KSR1: variants seen among roughly 807,000 people sequenced by gnomAD.
The protein encoded by KSR1 is kinase suppressor of ras 1.
In KSR1, 35 loss-of-function variants were observed where a neutral mutation model predicts 92.9. The ratio of observed to expected loss-of-function variants is 0.38; its 90% CI spans 0.29 to 0.50. The LOEUF is 0.50. KSR1 is among the 20% of genes least tolerant of loss of function. KSR1 has a pLI of 0.94. For synonymous variants in KSR1, 467 were observed against 472.6 expected (o/e 0.99, Z 0.15); for missense variants, 972 against 1,158.5 (o/e 0.84, Z 2.34).
intron 9 of KSR1, among the ~76,000 whole-genome samples, chr17:27,595,111 C>T (rs953296459): frequency 1.3e-5 from 2 of 152,230 alleles, no homozygotes; most frequent in African/African-American, 4.8e-5. Flanking sequence ...GCCTTCACAG[C>T]CTGCAGCAAA....
chr17:27,485,968 C>T (rs527855139), intron 1 of KSR1, among the ~76,000 whole-genome samples: 99 of 152,312 alleles, frequency 6.5e-4, no homozygotes, highest in Non-Finnish European at 6.8e-4. Context: ...GTTCTCCAAA[C>T]GTTAGTTCTT....
Position 27,568,043 on chromosome 17 carries a change from C to G in KSR1, c.373-9449C>G, listed in dbSNP as rs150836841. Among the ~76,000 whole-genome samples the G allele has an allele frequency of 7.6e-3, 1,160 of 152,366 alleles. 9 individuals are homozygous for G. The highest frequency in any genetic ancestry group is 0.01 in the Non-Finnish European group (703 of 68,038). ...CCCAGCTTCTCCTCGGCCATCTGCT[C>G]AGGGTCTCTGTTGAGGTCCCATAGC... On this transcript the variant is annotated intron_variant, in intron 2 of 20. Coordinates refer to ENST00000644974, the MANE Select transcript of KSR1 (RefSeq NM_001394583.1).
chr17:27,528,300 C>T (rs1028593171), intron 1 of KSR1, among the ~76,000 whole-genome samples: 1 of 152,196 alleles, frequency 6.6e-6, no homozygotes, highest in African/African-American at 2.4e-5. Flanking sequence ...CTCCTGACCT[C>T]AGGTGATCTG....
At position 27,621,230 on chromosome 17, in the gene KSR1, G is replaced by A. The variant is rs1395189153; in HGVS notation, c.2665G>A (p.Gly889Ser). The change falls in exon 20 of 21, where the codon GGC (glycine) becomes AGC (serine). Residue 889 changes from glycine (G) to serine (S), a missense_variant. Physicochemically the swap from Gly to Ser is moderately conservative, Grantham distance 56 (BLOSUM62 0). Coordinates refer to ENST00000644974, the MANE Select transcript of KSR1 (RefSeq NM_001394583.1). ...CCGCTACTATGGAAAAGGACGCTAC[G>A]GCCACCCTGACTTTAAGAGCTCCTG... ...RSRYYGKGRY[G>S]HPDFKSSCPI... The A allele has an allele frequency of 2.0e-5, 8 of 398,480 alleles. No homozygotes were observed. The highest frequency in any genetic ancestry group is 7.1e-5 in the East Asian group (2 of 28,090). The allele number at this position is 398,480 out of a possible 1,614,324, so 24.7% of individuals were successfully genotyped here. A position where few individuals can be genotyped will look rare whatever the true frequency, so the allele number is the denominator to read the frequency against.
chr17:27,545,291 C>G (rs1025014089), intron 1 of KSR1, among the ~76,000 whole-genome samples: 1 of 152,194 alleles, frequency 6.6e-6, no homozygotes, highest in Admixed American at 6.5e-5. Flanking sequence ...CATCACTTGC[C>G]CAGTTGGTGT....
At chr17:27,514,356 A>G (rs987798938) in intron 1 of KSR1, among the ~76,000 whole-genome samples, 1 of 152,206 alleles carries the variant, frequency 6.6e-6, no homozygotes, top group Non-Finnish European at 1.5e-5. Context: ...GCTTGGCTAT[A>G]TATTTCAGAA....
At chr17:27,461,764 G>A (rs1308452058) in intron 1 of KSR1, among the ~76,000 whole-genome samples, 4 of 143,198 alleles carry the variant, frequency 2.8e-5, no homozygotes, top group African/African-American at 1.0e-4. Context: ...CTGCAGCTAT[G>A]GGAATGCCTT....
At chr17:27,537,604 C>T (rs140567342) in intron 1 of KSR1, among the ~76,000 whole-genome samples, 2,354 of 152,228 alleles carry the variant, frequency 0.015, 59 homozygotes, top group African/African-American at 0.053. Context: ...GGTGGGAGAT[C>T]GCTTGAACCC....
At chr17:27,519,734 G>T (rs1445178611) in intron 1 of KSR1, among the ~76,000 whole-genome samples, 1 of 152,222 alleles carries the variant, frequency 6.6e-6, no homozygotes, top group Non-Finnish European at 1.5e-5. Flanking sequence ...CTACTGAGCT[G>T]TATGATTATT....
chr17:27,501,139 CA>C (rs2069161746), intron 1 of KSR1, among the ~76,000 whole-genome samples: 1 of 152,056 alleles, frequency 6.6e-6, no homozygotes, highest in South Asian at 2.1e-4. Context: ...TCCTTTCATA[CA>C]TTGTTTCATT....
chr17:27,539,205 T>C (rs1391688547), intron 1 of KSR1, among the ~76,000 whole-genome samples: 1 of 152,208 alleles, frequency 6.6e-6, no homozygotes, highest in Non-Finnish European at 1.5e-5. Context: ...CTGTTGTGAT[T>C]GAGGGGTTGA....
chr17:27,589,768 C>G (rs1164307191), intron 6 of KSR1, among the ~76,000 whole-genome samples: 1 of 152,162 alleles, frequency 6.6e-6, no homozygotes, highest in Non-Finnish European at 1.5e-5. Context: ...ATCTATCTTT[C>G]GTGTTTTCTT....
intron 1 of KSR1, among the ~76,000 whole-genome samples, chr17:27,523,483 G>A (rs17778162): frequency 0.22 from 33,199 of 152,106 alleles, 3,879 homozygotes; most frequent in Middle Eastern, 0.26. Context: ...CAGTCTAATG[G>A]GGAAAGTTGG....
intron 1 of KSR1, chr17:27,472,150 C>G (rs1335263067): frequency 1.3e-5 from 2 of 152,540 alleles, no homozygotes; most frequent in African/African-American, 4.8e-5. Flanking sequence ...CCCCTTCTTA[C>G]TGAGCTGCCT....
At chr17:27,511,682 T>C (rs1363071625) in intron 1 of KSR1, among the ~76,000 whole-genome samples, 2 of 152,168 alleles carry the variant, frequency 1.3e-5, no homozygotes, top group Admixed American at 6.5e-5. Flanking sequence ...AGAGGCAGCT[T>C]GGTCAGCTTA....
At chr17:27,609,068 G>A (rs974928384) in intron 15 of KSR1, 128 bp from the exon 16 acceptor site, 4 of 1,134,766 alleles carry the variant, frequency 3.5e-6, no homozygotes, top group Non-Finnish European at 4.9e-6. Flanking sequence ...TTCTTCTTCT[G>A]TAAAATGGGG....
Position 27,558,304 on chromosome 17 carries a change from A to T in KSR1, c.372+7596A>T, listed in dbSNP as rs527384571. ...TTTTTGTTTGCTGAAATGGGATCAT[A>T]TGATAGATATCATTTTGCAGGTTTG... On this transcript the variant is annotated intron_variant, in intron 2 of 20. Coordinates refer to ENST00000644974, the MANE Select transcript of KSR1 (RefSeq NM_001394583.1). The T allele has an allele frequency of 3.4e-5, 5 of 145,460 alleles. No homozygotes were observed. The South Asian group carries it at 1.1e-3, about 31-fold the overall frequency. The allele number at this position is 145,460 out of a possible 1,614,324, so 9.0% of individuals were successfully genotyped here.
rs201855671 is a variant in KSR1 at position 27,488,755 on chromosome 17, A to G, written c.231+31881A>G. On this transcript the variant is annotated intron_variant, in intron 1 of 20. Transcript: ENST00000644974. ...CCGAGGCAGGTGGATCATGAGGTCA[A>G]GAGATCGAGACCATTCTGGCCAACA... 9.9e-5 allele frequency among the ~76,000 whole-genome samples: 15 copies of G among 152,272 alleles called. No homozygotes were observed. In the East Asian group the frequency reaches 2.7e-3, roughly 27 times the overall value.
intron 2 of KSR1, chr17:27,566,259 C>G (rs770648609): frequency 1.8e-5 from 7 of 384,714 alleles, no homozygotes; most frequent in East Asian, 1.1e-4. Flanking sequence ...CCTGCTGGAG[C>G]CTGCACATCT....
Sources: allele counts gnomAD v4.1 joint callset (sites outside exome capture counted in the v4.1 genomes callset), GRCh38; gene constraint gnomAD v4.1.1; transcripts MANE v1.5; gene names NCBI Gene and HGNC (gene_info 2026-07-23, HGNC 2026-07-21).